Variants in ZNF280C observed in about 807,000 individuals in gnomAD.
ZNF280C encodes the protein zinc finger protein 280C.
ZNF280C carries 14 observed loss-of-function variants against 53.6 expected under a neutral mutation model. The observed-to-expected ratio is 0.26, with a 90% CI of 0.17 to 0.41. The LOEUF is 0.41. Among genes scored for constraint, ZNF280C ranks in the 10% least tolerant of loss-of-function variants. The pLI is 1.00. For synonymous variants in ZNF280C, 203 were observed against 181.1 expected, an observed-to-expected ratio of 1.12 and a Z score of -0.97; for missense variants, 416 against 547.1, an observed-to-expected ratio of 0.76 and a Z score of 2.39.
rs2031935666 is a variant in ZNF280C at position 130,203,428 on chromosome X, GGACT to G, written c.*1545_*1548del. On this transcript the variant is annotated 3_prime_UTR_variant, in exon 19 of 19. Coordinates refer to ENST00000370978, the MANE Select transcript of ZNF280C (RefSeq NM_017666.5). ...TCCCAGCACTTTGGGAGGACGAGGC[GGACT>G]GATCACGACGTCAGGAGATCGAGAC... 1 of 111,700 alleles carries G rather than the reference GGACT, an allele frequency of 9.0e-6. No individual in the cohort carries two copies. The highest frequency in any genetic ancestry group is 1.9e-5 in the Non-Finnish European group (1 of 53,137). The allele number at this position is 111,700 out of a possible 1,213,427, so 9.2% of individuals were successfully genotyped here. A position where few individuals can be genotyped will look rare whatever the true frequency, so the allele number is the denominator to read the frequency against.
intron 13 of ZNF280C, 125 bp downstream of exon 13, chrX:130,220,224 A>T: frequency 1.9e-6 from 1 of 533,073 alleles, no homozygotes; most frequent in Non-Finnish European, 2.7e-6. Context: ...AATTATTGTT[A>T]ATATAGTTGC....
chrX:130,251,788 G>GAAAAAAAAAA (rs56669311), intron 2 of ZNF280C, among the ~76,000 whole-genome samples: 1 of 81,516 alleles, frequency 1.2e-5, no homozygotes, highest in African/African-American at 4.4e-5. Flanking sequence ...GACTTCGTCT[G>GAAAAAAAAAA]AAAAAAAAAA....
rs762371403 is a variant in ZNF280C at position 130,242,481 on chromosome X, T to A, written c.381+1082A>T. Reference sequence around the variant, plus strand: ...ATTTAAGAACACTTGTTTTAGTTTATTAACTTAAAAATGTGGCCATTATGC... The same window carrying A: ...ATTTAAGAACACTTGTTTTAGTTTAATAACTTAAAAATGTGGCCATTATGC... On this transcript the variant is annotated intron_variant, in intron 5 of 18. Coordinates refer to ENST00000370978, the MANE Select transcript of ZNF280C (RefSeq NM_017666.5). 1.4e-4 allele frequency among the ~76,000 whole-genome samples: 16 copies of A among 112,452 alleles called. No homozygotes were observed. In the Admixed American group the frequency reaches 1.5e-3, roughly 11 times the overall value.
chrX:130,206,096 T>C (rs1422053768), intron 16 of ZNF280C, among the ~76,000 whole-genome samples: 3 of 110,876 alleles, frequency 2.7e-5, no homozygotes, highest in Non-Finnish European at 5.7e-5. Context: ...AATATTCATT[T>C]GCTGACAACC....
intron 6 of ZNF280C, among the ~76,000 whole-genome samples, chrX:130,238,755 A>T (rs1344721778): frequency 1.8e-5 from 2 of 111,876 alleles, no homozygotes; most frequent in East Asian, 5.6e-4. Context: ...GTAATATAAA[A>T]ATGGGAAAAT....
At chrX:130,214,522 T>G (rs2032078591) in intron 15 of ZNF280C, among the ~76,000 whole-genome samples, 1 of 111,161 alleles carries the variant, frequency 9.0e-6, no homozygotes, top group South Asian at 3.8e-4. Flanking sequence ...CTCAGGAAAT[T>G]ACATATACAG....
chrX:130,235,878 T>C (rs774675285), intron 8 of ZNF280C, among the ~76,000 whole-genome samples: 1 of 112,177 alleles, frequency 8.9e-6, no homozygotes, highest in South Asian at 3.6e-4. Context: ...CTGGCAACTA[T>C]TGTTCTACTC....
intron 1 of ZNF280C, among the ~76,000 whole-genome samples, chrX:130,262,154 T>C (rs2032637258): frequency 8.9e-6 from 1 of 112,028 alleles, no homozygotes; most frequent in Non-Finnish European, 1.9e-5. Context: ...CGCTCATAAA[T>C]GCTCTAAAAA....
Position 130,204,809 on chromosome X carries a change from T to C in ZNF280C, c.*168A>G, listed in dbSNP as rs2031954116. ...AACCTGACGCAAAGATAAGGTGGAA[T>C]AACAATGTAGTGGCATCTGAAAGCT... On this transcript the variant is annotated 3_prime_UTR_variant, in exon 19 of 19. Transcript: ENST00000370978. 1 of 380,773 alleles carries C rather than the reference T, an allele frequency of 2.6e-6. No individual in the cohort carries two copies. Among genetic ancestry groups the C allele is most frequent in the Non-Finnish European group, 4.5e-6 (1 of 220,115 alleles). The allele number at this position is 380,773 out of a possible 1,213,427, so 31.4% of individuals were successfully genotyped here. A position where few individuals can be genotyped will look rare whatever the true frequency, so the allele number is the denominator to read the frequency against.
At chrX:130,251,289 A>AAAAAAAAAAAAAAAAAC in intron 2 of ZNF280C, among the ~76,000 whole-genome samples, 1 of 96,759 alleles carries the variant, frequency 1.0e-5, no homozygotes, top group Non-Finnish European at 2.1e-5. Flanking sequence ...TCTCAAAAAA[A>AAAAAAAAAAAAAAAAAC]AAAAAAAAAA....
intron 12 of ZNF280C, among the ~76,000 whole-genome samples, chrX:130,221,385 A>G (rs572536194): frequency 9.0e-6 from 1 of 111,356 alleles, no homozygotes; most frequent in South Asian, 3.8e-4. Context: ...ACCTATACCT[A>G]TACCTCATTC....
chrX:130,251,303 A>AAAAAAAAAAAAAAAAAC (rs2032506604), intron 2 of ZNF280C, among the ~76,000 whole-genome samples: 1 of 103,052 alleles, frequency 9.7e-6, no homozygotes, highest in Non-Finnish European at 2.0e-5. Context: ...AAAAAAAAAA[A>AAAAAAAAAAAAAAAAAC]AAAAGACCAG....
chrX:130,206,682 C>A (rs2031979090), intron 16 of ZNF280C, among the ~76,000 whole-genome samples: 1 of 111,513 alleles, frequency 9.0e-6, no homozygotes, highest in Non-Finnish European at 1.9e-5. Flanking sequence ...CTAGTTTTAA[C>A]AACCTGTTGT....
intron 10 of ZNF280C, 45 bp from the exon 11 acceptor site, chrX:130,227,827 A>T: frequency 1.4e-6 from 1 of 723,739 alleles, no homozygotes; most frequent in Admixed American, 2.7e-5. Flanking sequence ...GGATGTATAT[A>T]AAAAAAGATT....
intron 1 of ZNF280C, among the ~76,000 whole-genome samples, chrX:130,264,862 G>T (rs954046422): frequency 9.0e-6 from 1 of 111,310 alleles, no homozygotes; most frequent in Non-Finnish European, 1.9e-5. Context: ...TAAGTTCAGG[G>T]GTGTCTGTGA....
intron 12 of ZNF280C, among the ~76,000 whole-genome samples, chrX:130,222,276 CCACA>C (rs59694150): frequency 0.051 from 3,562 of 69,818 alleles, 81 homozygotes; most frequent in African/African-American, 0.062. Flanking sequence ...CATTCAGACA[CCACA>C]CACACACACA....
At chrX:130,233,012 A>G (rs754007086) in intron 8 of ZNF280C, among the ~76,000 whole-genome samples, 1 of 112,084 alleles carries the variant, frequency 8.9e-6, no homozygotes, top group Admixed American at 9.5e-5. Flanking sequence ...CACAAATGAA[A>G]TATTATTCAG....
intron 2 of ZNF280C, among the ~76,000 whole-genome samples, chrX:130,252,129 CAAAA>C (rs1167057236): frequency 9.0e-6 from 1 of 111,680 alleles, no homozygotes; most frequent in East Asian, 2.8e-4. Context: ...AAATGAAAAA[CAAAA>C]AACGAAAAAA....
Position 130,202,867 on chromosome X carries a change from A to T in ZNF280C, c.*2110T>A, listed in dbSNP as rs920945457. ...AAAAATATACATCTATATATATATG[A>T]GCAAGAAACAAGTGCATTTTTTGGT... On this transcript the variant is annotated 3_prime_UTR_variant, in exon 19 of 19. Coordinates refer to ENST00000370978, the MANE Select transcript of ZNF280C (RefSeq NM_017666.5). 2.7e-5 allele frequency: 3 copies of T among 111,935 alleles called. No homozygotes were observed. Among genetic ancestry groups the T allele is most frequent in the Non-Finnish European group, 5.6e-5 (3 of 53,211 alleles). 9.2% of individuals were successfully genotyped at this position (111,935 alleles called of 1,213,427 possible). A position where few individuals can be genotyped will look rare whatever the true frequency, so the allele number is the denominator to read the frequency against.
Sources: gnomAD v4.1 joint callset for allele counts (sites outside exome capture counted in the v4.1 genomes callset) on GRCh38, gnomAD v4.1.1 for gene constraint, MANE v1.5 for transcripts, NCBI Gene and HGNC (gene_info 2026-07-23, HGNC 2026-07-21) for gene names.